Variants in ZC3H12B observed in about 807,000 individuals in gnomAD.
ZC3H12B encodes the protein zinc finger CCCH-type containing 12B.
Under a neutral mutation model 43.9 loss-of-function variants are expected in ZC3H12B, and 7 were observed. The ratio of observed to expected loss-of-function variants is 0.16; its 90% CI spans 0.09 to 0.30. The LOEUF (loss-of-function observed/expected upper bound fraction) is 0.30. Ranked by LOEUF, ZC3H12B falls within the 10% of genes least tolerant of loss-of-function variation. The pLI, the probability that ZC3H12B is intolerant of heterozygous loss-of-function variation, is 1.00. For missense variants in ZC3H12B, 475 were observed against 670.2 expected (o/e 0.71, Z 3.22); for synonymous variants, 222 against 241.7 (o/e 0.92, Z 0.76).
the ZC3H12B span, among the ~76,000 whole-genome samples, chrX:65,193,185 A>G: frequency 9.2e-6 from 1 of 108,476 alleles, no homozygotes; most frequent in Non-Finnish European, 1.9e-5. Flanking sequence ...TAGAATGAGT[A>G]TGGAAGTCTT....
chrX:65,065,172 G>T, the ZC3H12B span, among the ~76,000 whole-genome samples: 2 of 110,134 alleles, frequency 1.8e-5, no homozygotes, highest in Admixed American at 1.9e-4. Context: ...GTTTGAATTG[G>T]ATCCTGTCAT....
At chrX:65,295,730 C>G in the ZC3H12B span, among the ~76,000 whole-genome samples, 8 of 111,560 alleles carry the variant, frequency 7.2e-5, no homozygotes, top group Non-Finnish European at 1.5e-4. Flanking sequence ...GAAATTACCA[C>G]TAAAACCACA....
chrX:65,312,194 T>C, the ZC3H12B span, among the ~76,000 whole-genome samples: 1 of 111,869 alleles, frequency 8.9e-6, no homozygotes, highest in East Asian at 2.8e-4. Context: ...GAAATAAAAC[T>C]TGAAGAACAA....
the ZC3H12B span, among the ~76,000 whole-genome samples, chrX:65,061,212 G>T: frequency 9.1e-6 from 1 of 110,214 alleles, no homozygotes; most frequent in Non-Finnish European, 1.9e-5. Flanking sequence ...GGTTTGTTAC[G>T]TAGGTATACA....
the ZC3H12B span, among the ~76,000 whole-genome samples, chrX:65,252,672 C>A: frequency 2.7e-5 from 3 of 111,463 alleles, no homozygotes; most frequent in Non-Finnish European, 5.6e-5. Flanking sequence ...AATATAATAC[C>A]AGTCAATTTT....
the ZC3H12B span, among the ~76,000 whole-genome samples, chrX:65,136,406 C>A: frequency 7.7e-4 from 85 of 111,083 alleles, no homozygotes; most frequent in Non-Finnish European, 1.5e-3. Flanking sequence ...AGTCTTGGCT[C>A]CCTACTTGGC....
intron 2 of ZC3H12B, among the ~76,000 whole-genome samples, chrX:65,397,910 A>G (rs973173529): frequency 8.9e-6 from 1 of 112,235 alleles, no homozygotes; most frequent in Non-Finnish European, 1.9e-5. Flanking sequence ...ATCTATTAGA[A>G]CTGATAAACA....
the ZC3H12B span, among the ~76,000 whole-genome samples, chrX:65,121,774 T>C: frequency 9.0e-6 from 1 of 111,500 alleles, no homozygotes; most frequent in Non-Finnish European, 1.9e-5. Flanking sequence ...TCTGCTTTCT[T>C]TTGTGGGCAT....
At chrX:65,259,827 C>T in the ZC3H12B span, among the ~76,000 whole-genome samples, 1 of 111,575 alleles carries the variant, frequency 9.0e-6, no homozygotes, top group Admixed American at 9.6e-5. Context: ...AGCCCAAATG[C>T]CCATCAATCA....
chrX:65,135,518 A>G, the ZC3H12B span, among the ~76,000 whole-genome samples: 70 of 106,826 alleles, frequency 6.6e-4, 1 homozygote, highest in African/African-American at 2.4e-3. Flanking sequence ...TATAATATAT[A>G]TTATAATGGA....
chrX:65,484,608 C>T (rs2068103072), upstream of ZC3H12B, among the ~76,000 whole-genome samples: 1 of 112,441 alleles, frequency 8.9e-6, no homozygotes, highest in African/African-American at 3.2e-5. Flanking sequence ...TCTATCAAAA[C>T]ATGCATTTAC....
the ZC3H12B span, among the ~76,000 whole-genome samples, chrX:65,099,153 C>A: frequency 8.9e-6 from 1 of 111,736 alleles, no homozygotes; most frequent in Non-Finnish European, 1.9e-5. Flanking sequence ...GGCCAGACTG[C>A]CTCATTAGAT....
the ZC3H12B span, among the ~76,000 whole-genome samples, chrX:65,055,944 CA>C: frequency 7.2e-5 from 8 of 111,678 alleles, no homozygotes; most frequent in African/African-American, 2.6e-4. Flanking sequence ...TCCCCTTTAT[CA>C]TTTTTTATTG....
chrX:65,150,939 A>G, the ZC3H12B span, among the ~76,000 whole-genome samples: 31 of 111,673 alleles, frequency 2.8e-4, no homozygotes, highest in Admixed American at 6.7e-4. Flanking sequence ...TAAGCACACA[A>G]TCCCATTTTA....
At chrX:65,505,075 G>A (rs889707500) in exon 5 of ZC3H12B, 1 of 112,214 alleles carries the variant, frequency 8.9e-6, no homozygotes, top group Non-Finnish European at 1.9e-5. Flanking sequence ...AATGCCTCTA[G>A]AAGAGGTGTT....
At chrX:65,460,857 A>G (rs1162163285) in intron 3 of ZC3H12B, among the ~76,000 whole-genome samples, 2 of 111,748 alleles carry the variant, frequency 1.8e-5, no homozygotes, top group Non-Finnish European at 1.9e-5. Context: ...AAATTGATAA[A>G]TGGGATCTAA....
At chrX:65,128,662 A>G in the ZC3H12B span, among the ~76,000 whole-genome samples, 3 of 112,288 alleles carry the variant, frequency 2.7e-5, no homozygotes, top group Admixed American at 1.9e-4. Context: ...GTCTCCAACT[A>G]AAATTATAAG....
chrX:65,478,379 A>T (rs1163828758), intron 3 of ZC3H12B, among the ~76,000 whole-genome samples: 3 of 111,738 alleles, frequency 2.7e-5, no homozygotes, highest in African/African-American at 9.8e-5. Flanking sequence ...TTCCCTGTAT[A>T]TAGGCCATAC....
the ZC3H12B span, among the ~76,000 whole-genome samples, chrX:65,090,760 C>T: frequency 9.0e-6 from 1 of 111,458 alleles, no homozygotes; most frequent in African/African-American, 3.3e-5. Context: ...GTAGTCCTAC[C>T]TGTATCTCAT....
Sources: gnomAD v4.1 joint callset for allele counts (sites outside exome capture counted in the v4.1 genomes callset) on GRCh38, gnomAD v4.1.1 for gene constraint, MANE v1.5 for transcripts, NCBI Gene and HGNC (gene_info 2026-07-23, HGNC 2026-07-21) for gene names.